Variants in THEMIS2 observed in about 807,000 individuals in gnomAD.
THEMIS2 encodes the protein thymocyte selection associated family member 2.
In THEMIS2, 29 loss-of-function variants were observed where a neutral mutation model predicts 46.8. That is an observed-to-expected ratio of 0.62 (90% CI 0.46 to 0.84). The LOEUF (loss-of-function observed/expected upper bound fraction) is 0.84, where lower values mean the gene tolerates loss of function less well. THEMIS2 is among the 40% of genes least tolerant of loss of function. The pLI is 0.00. For missense variants in THEMIS2, 698 were observed against 834.7 expected (o/e 0.84, Z 2.02); for synonymous variants, 335 against 349.1 (o/e 0.96, Z 0.45).
In THEMIS2 at chr1:27,879,777, G is replaced by T. The variant is rs2089646894; in HGVS notation, c.369G>T (p.Val123=). 4 of 1,614,020 alleles carry T rather than the reference G, an allele frequency of 2.5e-6. No individual in the cohort carries two copies. The highest frequency in any genetic ancestry group is 3.4e-6 in the Non-Finnish European group (4 of 1,179,990). The change falls in exon 3 of 6, where the codon GTG becomes GTT. Residue 123 remains valine (V), a synonymous_variant. Coordinates refer to ENST00000373921, the MANE Select transcript of THEMIS2 (RefSeq NM_001105556.3). ...ACAGGATTGTCACAGAGGGCAGGGT[G>T]GTGACTGAGGACCAGCTCCTCATGC... ...STHRIVTEGR[V]VTEDQLLMLE...
intron 5 of THEMIS2, 81 bp from the exon 6 acceptor site, chr1:27,885,786 C>A (rs2089760624): frequency 2.9e-6 from 4 of 1,403,184 alleles, no homozygotes; most frequent in Non-Finnish European, 4.0e-6. Flanking sequence ...TCTTTCCCTG[C>A]ACAGATGAGG....
chr1:27,881,943 A>G (rs375285321), intron 3 of THEMIS2, 28 bp from the exon 4 acceptor site: 6 of 1,556,598 alleles, frequency 3.9e-6, no homozygotes, highest in Admixed American at 1.7e-5. Context: ...GGTGGCATGC[A>G]GTGCCACTGA....
chr1:27,883,098 CTTT>C (rs1221062556), intron 4 of THEMIS2, 55 bp downstream of exon 4: 1 of 1,432,362 alleles, frequency 7.0e-7, no homozygotes, highest in Non-Finnish European at 9.6e-7. Flanking sequence ...ATCACTGCTT[CTTT>C]GTCATGTCTG....
In THEMIS2 at chr1:27,882,536, G is replaced by A. The variant is rs2089700889; in HGVS notation, c.1212G>A (p.Glu404=). 6.2e-7 allele frequency: 1 copy of A among 1,613,998 alleles called. No homozygotes were observed. The highest frequency in any genetic ancestry group is 1.3e-5 in the African/African-American group (1 of 74,936). The part of the protein sequence containing the change: ...VCQRLSDQAG[E]DEEEECKEEA... ...AGCGGCTGAGTGACCAGGCTGGGGAGGATGAGGAGGAAGAGTGCAAAGAGG... is the reference window on the plus strand; with the variant it reads ...AGCGGCTGAGTGACCAGGCTGGGGAAGATGAGGAGGAAGAGTGCAAAGAGG... The change falls in exon 4 of 6, where the codon GAG becomes GAA. Residue 404 remains glutamate (E), a synonymous_variant. Coordinates refer to ENST00000373921, the MANE Select transcript of THEMIS2 (RefSeq NM_001105556.3). The surrounding 1 kb of genome is among the most constrained non-coding windows in gnomAD (Gnocchi z 7.6).
chr1:27,882,821 G>A lies in THEMIS2; in HGVS notation c.1497G>A (p.Glu499=), dbSNP rs2089707813. 1 of 1,613,974 alleles carries A rather than the reference G, an allele frequency of 6.2e-7. No homozygotes were observed. The highest frequency in any genetic ancestry group is 8.5e-7 in the Non-Finnish European group (1 of 1,179,930). ...ACTCTGAGCCTGGGATGTGCTTTGA[G>A]ATCCCTCCCCGGTGGCTGGACCTGA... ...SLDSEPGMCF[E]IPPRWLDLTV... is the part of the protein sequence containing the mutation. The change falls in exon 4 of 6, where the codon GAG becomes GAA. Residue 499 remains glutamate, a synonymous_variant. Coordinates refer to ENST00000373921, the MANE Select transcript of THEMIS2 (RefSeq NM_001105556.3). The surrounding 1 kb of genome is among the most constrained non-coding windows in gnomAD (Gnocchi z 7.6).
At chr1:27,876,855 A>C in intron 2 of THEMIS2, 127 bp downstream of exon 2, 3 of 1,170,924 alleles carry the variant, frequency 2.6e-6, no homozygotes, top group Non-Finnish European at 3.6e-6. Context: ...AGGCCCTCAC[A>C]TTCACCACAA....
intron 4 of THEMIS2, 105 bp from the exon 5 acceptor site, chr1:27,885,188 TAG>T (rs2089747756): frequency 8.3e-7 from 1 of 1,208,994 alleles, no homozygotes; most frequent in Non-Finnish European, 1.2e-6. Flanking sequence ...GAAAAGGAAG[TAG>T]AGAGAGAAGC....
At chr1:27,874,984 C>CT (rs111822413) in intron 1 of THEMIS2, among the ~76,000 whole-genome samples, 24,775 of 145,912 alleles carry the variant, frequency 0.17, 2,168 homozygotes, top group African/African-American at 0.21. Flanking sequence ...TCTTCTTCTT[C>CT]TTTTTTTTTT....
chr1:27,873,358 A>G (rs1292478898), intron 1 of THEMIS2, among the ~76,000 whole-genome samples: 3 of 152,152 alleles, frequency 2.0e-5, no homozygotes, highest in Admixed American at 1.3e-4. Context: ...AGGGTAAGAC[A>G]GCACAGTGGA....
At position 27,882,312 on chromosome 1, in the gene THEMIS2, G is replaced by C; in HGVS notation, c.988G>C (p.Glu330Gln). ...AGGCAAGCTGCGGCGGCGGCCAAGGGAGTTCCCCACGGCCTATGACCTCCT... is the reference window on the plus strand; with the variant it reads ...AGGCAAGCTGCGGCGGCGGCCAAGGCAGTTCCCCACGGCCTATGACCTCCT... ...YQGKLRRRPR[E>Q]FPTAYDLLGA... Residue 330 changes from glutamate (E) to glutamine (Q), a missense_variant, in exon 4 of 6, where the codon GAG becomes CAG. By Grantham distance (29) the Glu-to-Gln change is conservative (BLOSUM62 2). Transcript: ENST00000373921. The surrounding 1 kb of genome is among the most constrained non-coding windows in gnomAD (Gnocchi z 7.6). The C allele has an allele frequency of 6.3e-7, 1 of 1,597,784 alleles. No homozygotes were observed. The highest frequency in any genetic ancestry group is 1.1e-5 in the South Asian group (1 of 89,124).
rs371915338 is a variant in THEMIS2 at position 27,885,386 on chromosome 1, C to A, written c.1811C>A (p.Thr604Lys). The stretch of plus-strand genomic sequence containing the variant: ...GAGTTCATCAAGGATGGCTCCAGTA[C>A]GTACAGCAAGATTCCTGCCCACAGG... ...LPEFIKDGSSTYSKIPAHRKG... is the reference protein window; with the variant it reads ...LPEFIKDGSSKYSKIPAHRKG... Residue 604 changes from threonine (T) to lysine (K), a missense_variant, in exon 5 of 6, where the codon ACG (threonine) becomes AAG (lysine). Coordinates refer to ENST00000373921, the MANE Select transcript of THEMIS2 (RefSeq NM_001105556.3). 1 of 1,614,210 alleles carries A rather than the reference C, an allele frequency of 6.2e-7. No homozygotes were observed.
At chr1:27,874,067 C>G (rs1302871556) in intron 1 of THEMIS2, among the ~76,000 whole-genome samples, 2 of 104,826 alleles carry the variant, frequency 1.9e-5, no homozygotes, top group East Asian at 7.6e-4. Flanking sequence ...GAGTCTGGCT[C>G]TGTTGCCCAG....
At chr1:27,881,222 A>G (rs2148639710) in intron 3 of THEMIS2, among the ~76,000 whole-genome samples, 1 of 151,418 alleles carries the variant, frequency 6.6e-6, no homozygotes, top group East Asian at 2.0e-4. Flanking sequence ...AGGCCGAGGC[A>G]GGTGGATCAC....
intron 4 of THEMIS2, chr1:27,884,947 G>T: frequency 5.1e-6 from 1 of 196,930 alleles, no homozygotes; most frequent in Non-Finnish European, 1.1e-5. Flanking sequence ...CTCAGGCGTC[G>T]TCACAAGGCT....
In THEMIS2 at chr1:27,886,319, C is replaced by T. The variant is rs1266045572; in HGVS notation, c.*397C>T. 2 of 224,370 alleles carry T rather than the reference C, an allele frequency of 8.9e-6. No individual in the cohort carries two copies. Among genetic ancestry groups the T allele is most frequent in the South Asian group, 1.2e-4 (2 of 16,238 alleles). 13.9% of individuals were successfully genotyped at this position (224,370 alleles called of 1,614,324 possible). A position where few individuals can be genotyped will look rare whatever the true frequency, so the allele number is the denominator to read the frequency against. ...ACTGCATGGGAGATTTTGTTAACGT[C>T]TGCCACCCCCACTCTCACCCCCAAG... On this transcript the variant is annotated 3_prime_UTR_variant, in exon 6 of 6. Coordinates refer to ENST00000373921, the MANE Select transcript of THEMIS2 (RefSeq NM_001105556.3).
chr1:27,885,407 A>G lies in THEMIS2; in HGVS notation c.1832A>G (p.His611Arg). Reference protein sequence around the residue: ...GSSTYSKIPAHRKGHRPAKPQ... With the variant: ...GSSTYSKIPARRKGHRPAKPQ... ...AGTACGTACAGCAAGATTCCTGCCC[A>G]CAGGAAGGGCCACAGGCCCGCTAAG... The change falls in exon 5 of 6, where the codon CAC becomes CGC. Residue 611 changes from histidine to arginine, a missense_variant. Coordinates refer to ENST00000373921, the MANE Select transcript of THEMIS2 (RefSeq NM_001105556.3). The G allele has an allele frequency of 6.2e-7, 1 of 1,614,136 alleles. No homozygotes were observed. Among genetic ancestry groups the G allele is most frequent in the Middle Eastern group, 1.7e-4 (1 of 6,054 alleles).
chr1:27,873,299 TCA>T (rs1260043151), intron 1 of THEMIS2, among the ~76,000 whole-genome samples: 1 of 152,100 alleles, frequency 6.6e-6, no homozygotes, highest in Non-Finnish European at 1.5e-5. Flanking sequence ...CAGTCACTAG[TCA>T]TTGCCTGAAG....
At chr1:27,873,161 T>A (rs973545708) in intron 1 of THEMIS2, among the ~76,000 whole-genome samples, 3 of 152,126 alleles carry the variant, frequency 2.0e-5, no homozygotes, top group African/African-American at 7.2e-5. Flanking sequence ...GATCAGCTCT[T>A]CAGTTCTCAG....
Position 27,882,210 on chromosome 1 carries a change from T to G in THEMIS2, c.886T>G (p.Ser296Ala), listed in dbSNP as rs2089692612. ...GAGGCTTTGCGTCTATGGCCTAGCC[T>G]CACCACCCTGGCGGGTCCTGGCCTC... ...GQRLCVYGLASPPWRVLASSK... is the reference protein window; with the variant it reads ...GQRLCVYGLAAPPWRVLASSK... The change falls in exon 4 of 6, where the codon TCA becomes GCA. Residue 296 changes from serine (S) to alanine (A), a missense_variant. Transcript: ENST00000373921. The surrounding 1 kb of genome is among the most constrained non-coding windows in gnomAD (Gnocchi z 7.6). 1.2e-6 allele frequency: 2 copies of G among 1,610,612 alleles called. No homozygotes were observed. The highest frequency in any genetic ancestry group is 1.7e-6 in the Non-Finnish European group (2 of 1,177,722).
Sources: gnomAD v4.1 joint callset for allele counts (sites outside exome capture counted in the v4.1 genomes callset) on GRCh38, gnomAD v4.1.1 for gene constraint, Gnocchi (gnomAD v3.1) non-coding constraint, MANE v1.5 for transcripts, NCBI Gene and HGNC (gene_info 2026-07-23, HGNC 2026-07-21) for gene names.